EPHA7: variants seen among roughly 807,000 people sequenced by gnomAD.
EPHA7 encodes the protein ephrin type-A receptor 7.
In EPHA7, 25 loss-of-function variants were observed where a neutral mutation model predicts 112.6. The observed-to-expected ratio is 0.22, with a 90% CI of 0.16 to 0.31. EPHA7 has a LOEUF of 0.31. EPHA7 is among the 10% of genes least tolerant of loss of function. The pLI, the probability that EPHA7 is intolerant of heterozygous loss-of-function variation, is 1.00. For synonymous variants in EPHA7, 437 were observed against 406.5 expected, an observed-to-expected ratio of 1.07 and a Z score of -0.90; for missense variants, 962 against 1,212.6, an observed-to-expected ratio of 0.79 and a Z score of 3.07.
At chr6:93,253,591 A>C (rs1486448332) in intron 14 of EPHA7, among the ~76,000 whole-genome samples, 1 of 151,664 alleles carries the variant, frequency 6.6e-6, no homozygotes, top group African/African-American at 2.4e-5. Context: ...TCCTCTGAAA[A>C]CTCCTTCATC....
At chr6:93,368,279 A>T (rs1776615246) in intron 3 of EPHA7, among the ~76,000 whole-genome samples, 1 of 152,148 alleles carries the variant, frequency 6.6e-6, no homozygotes, top group Admixed American at 6.5e-5. Flanking sequence ...CCTATTTCAG[A>T]GGTGACTATA....
chr6:93,403,361 A>AT (rs1172022703), intron 3 of EPHA7, among the ~76,000 whole-genome samples: 1 of 151,646 alleles, frequency 6.6e-6, no homozygotes, highest in Non-Finnish European at 1.5e-5. Context: ...GGGTAGGTAA[A>AT]AAAAAAAAAA....
At chr6:93,318,424 G>A (rs1037166958) in intron 5 of EPHA7, among the ~76,000 whole-genome samples, 2 of 151,972 alleles carry the variant, frequency 1.3e-5, no homozygotes, top group Non-Finnish European at 2.9e-5. Context: ...CTAAGTGCAG[G>A]TTGGCAGATA....
intron 3 of EPHA7, among the ~76,000 whole-genome samples, chr6:93,380,202 CTAATAAT>C (rs1777265948): frequency 6.6e-6 from 1 of 152,052 alleles, no homozygotes; most frequent in East Asian, 1.9e-4. Flanking sequence ...CACATCAAAT[CTAATAAT>C]ATCTCTCATA....
chr6:93,315,488 A>G (rs1036903840), intron 5 of EPHA7, among the ~76,000 whole-genome samples: 1 of 152,184 alleles, frequency 6.6e-6, no homozygotes, highest in Non-Finnish European at 1.5e-5. Context: ...TTAATATGTA[A>G]CAATCTAAAT....
chr6:93,282,459 A>T (rs937589079), intron 5 of EPHA7, among the ~76,000 whole-genome samples: 8 of 152,262 alleles, frequency 5.3e-5, no homozygotes, highest in African/African-American at 1.9e-4. Context: ...TTCACTGCAG[A>T]TAGTAATGAG....
At position 93,241,239 on chromosome 6, in the gene EPHA7, CA is replaced by C. The variant is rs1383798097; in HGVS notation, c.*2186del. 4.6e-6 allele frequency: 1 copy of C among 218,224 alleles called. No individual in the cohort carries two copies. Among genetic ancestry groups the C allele is most frequent in the East Asian group, 6.8e-5 (1 of 14,774 alleles). 13.5% of individuals were successfully genotyped at this position (218,224 alleles called of 1,614,324 possible). On this transcript the variant is annotated 3_prime_UTR_variant, in exon 17 of 17. Transcript: ENST00000369303. Reference sequence around the variant, plus strand: ...AAAAATAAGCACCTTAAGCTATGAACAAGAAAAGAACTTCATTATTAGTGAG... The same window carrying C: ...AAAAATAAGCACCTTAAGCTATGAACAGAAAAGAACTTCATTATTAGTGAG...
chr6:93,413,304 T>G (rs1427104814), intron 2 of EPHA7, among the ~76,000 whole-genome samples: 1 of 151,968 alleles, frequency 6.6e-6, no homozygotes, highest in East Asian at 1.9e-4. Context: ...GTTAAGATAC[T>G]TTGGACTGAT....
At chr6:93,251,452 A>G (rs1417399025) in intron 14 of EPHA7, among the ~76,000 whole-genome samples, 1 of 151,710 alleles carries the variant, frequency 6.6e-6, no homozygotes, top group African/African-American at 2.4e-5. Flanking sequence ...CTAGTTTTAT[A>G]TAAGAAAAAA....
At chr6:93,344,835 T>C (rs1053173975) in intron 5 of EPHA7, among the ~76,000 whole-genome samples, 1 of 151,562 alleles carries the variant, frequency 6.6e-6, no homozygotes, top group Admixed American at 6.6e-5. Context: ...GTCTTTGTCA[T>C]GTGCTTCTGA....
intron 3 of EPHA7, among the ~76,000 whole-genome samples, chr6:93,394,495 T>C (rs1383367118): frequency 6.6e-6 from 1 of 151,694 alleles, no homozygotes; most frequent in East Asian, 1.9e-4. Context: ...ATGTTTAGTG[T>C]CTGTATGATT....
intron 16 of EPHA7, 145 bp downstream of exon 16, chr6:93,245,153 C>T (rs1889206): frequency 0.24 from 161,317 of 685,048 alleles, 20,709 homozygotes; most frequent in South Asian, 0.42. Flanking sequence ...ATGCCTGGTA[C>T]GCAGTAAGAA....
chr6:93,255,734 A>G (rs1369900489), intron 13 of EPHA7, 94 bp downstream of exon 13: 6 of 1,146,274 alleles, frequency 5.2e-6, no homozygotes, highest in Non-Finnish European at 7.5e-6. Flanking sequence ...AATTTGCTTC[A>G]TTTCTCCTGT....
chr6:93,357,336 T>G (rs1776000310), intron 4 of EPHA7, among the ~76,000 whole-genome samples: 1 of 152,202 alleles, frequency 6.6e-6, no homozygotes, highest in Non-Finnish European at 1.5e-5. Context: ...TGCCACAGTC[T>G]TTAACTATTT....
rs753710350 is a variant in EPHA7 at position 93,263,853 on chromosome 6, C to T, written c.1798+7G>A. 1 of 1,608,496 alleles carries T rather than the reference C, an allele frequency of 6.2e-7. No homozygotes were observed. Among genetic ancestry groups the T allele is most frequent in the Non-Finnish European group, 8.5e-7 (1 of 1,176,534 alleles). On this transcript the variant is annotated splice_region_variant and intron_variant, in intron 9 of 16. Coordinates refer to ENST00000369303, the MANE Select transcript of EPHA7 (RefSeq NM_004440.4). ...TACATCATAATAAAGAAAAGCCAAA[C>T]ACTTACAATGAAAGTAAAGCTCTTC...
At chr6:93,418,843 C>G (rs975726304) in intron 1 of EPHA7, among the ~76,000 whole-genome samples, 21 of 152,202 alleles carry the variant, frequency 1.4e-4, no homozygotes, top group African/African-American at 4.8e-4. Context: ...TCCAACCCAA[C>G]TCTGGCCGCA....
At chr6:93,254,433 T>A (rs1770347437) in intron 14 of EPHA7, among the ~76,000 whole-genome samples, 1 of 152,120 alleles carries the variant, frequency 6.6e-6, no homozygotes, top group Non-Finnish European at 1.5e-5. Flanking sequence ...AGAATTTATA[T>A]TATAAAAAGA....
chr6:93,330,126 T>C (rs1218957511), intron 5 of EPHA7, among the ~76,000 whole-genome samples: 1 of 151,294 alleles, frequency 6.6e-6, no homozygotes, highest in East Asian at 1.9e-4. Flanking sequence ...GTACACAAAA[T>C]GGTAATCATA....
chr6:93,343,057 ACTT>A (rs1279936322), intron 5 of EPHA7, among the ~76,000 whole-genome samples: 1 of 151,692 alleles, frequency 6.6e-6, no homozygotes, highest in Non-Finnish European at 1.5e-5. Flanking sequence ...TCTTTGGAAA[ACTT>A]TGAATAATAC....
Sources: allele counts gnomAD v4.1 joint callset (sites outside exome capture counted in the v4.1 genomes callset), GRCh38; gene constraint gnomAD v4.1.1; transcripts MANE v1.5; gene names NCBI Gene and HGNC (gene_info 2026-07-23, HGNC 2026-07-21).